Variants in ARHGEF10 observed in about 807,000 individuals in gnomAD.
ARHGEF10 encodes Rho guanine nucleotide exchange factor (GEF) 10.
In ARHGEF10, 140 loss-of-function variants were observed where a neutral mutation model predicts 147.4. The ratio of observed to expected loss-of-function variants is 0.95; its 90% CI spans 0.83 to 1.09. The LOEUF (loss-of-function observed/expected upper bound fraction) is 1.09. Among genes scored for constraint, ARHGEF10 ranks in the 50% least tolerant of loss-of-function variants. The pLI is 0.00. For missense variants in ARHGEF10, 2,222 were observed against 1,752.7 expected, an observed-to-expected ratio of 1.27 and a Z score of -4.78; for synonymous variants, 902 against 695.8, an observed-to-expected ratio of 1.30 and a Z score of -4.67.
At chr8:1,932,069 T>A (rs1206260019) in intron 25 of ARHGEF10, among the ~76,000 whole-genome samples, 1 of 152,078 alleles carries the variant, frequency 6.6e-6, no homozygotes, top group Non-Finnish European at 1.5e-5. Flanking sequence ...GGGCGGTGCA[T>A]AGAGAGAGCT....
chr8:1,935,346 G>C (rs575205151), intron 26 of ARHGEF10, among the ~76,000 whole-genome samples: 2 of 151,906 alleles, frequency 1.3e-5, no homozygotes, highest in South Asian at 4.1e-4. Flanking sequence ...CTTACTCTTG[G>C]TGCCGTGCTT....
intron 1 of ARHGEF10, among the ~76,000 whole-genome samples, chr8:1,832,109 G>T (rs1342105798): frequency 2.0e-5 from 3 of 152,170 alleles, no homozygotes; most frequent in Non-Finnish European, 2.9e-5. Flanking sequence ...CCACCCAGGG[G>T]GTCCTGTGGC....
intron 24 of ARHGEF10, among the ~76,000 whole-genome samples, chr8:1,928,945 T>C (rs1585574863): frequency 6.6e-6 from 1 of 152,122 alleles, no homozygotes; most frequent in African/African-American, 2.4e-5. Context: ...AAAAGGACAT[T>C]CCCCCCTTAT....
At chr8:1,949,673 A>G (rs1232296169) in intron 27 of ARHGEF10, among the ~76,000 whole-genome samples, 3 of 152,192 alleles carry the variant, frequency 2.0e-5, no homozygotes, top group African/African-American at 7.2e-5. Context: ...CATTAGAAAA[A>G]AAAAGACAAA....
In ARHGEF10 at chr8:1,882,772, G is replaced by C. The variant is rs775779542; in HGVS notation, c.1075+23G>C. On this transcript the variant is annotated intron_variant, in intron 10 of 28. Coordinates refer to ENST00000349830, the MANE Select transcript of ARHGEF10 (RefSeq NM_014629.4). ...AGGGTCCGTGCCTGCAGGTCTTCTTGCGGGGAGGACACGGGGTTGGGGGGG... is the reference window on the plus strand; with the variant it reads ...AGGGTCCGTGCCTGCAGGTCTTCTTCCGGGGAGGACACGGGGTTGGGGGGG... 9.9e-6 allele frequency: 15 copies of C among 1,519,674 alleles called. No homozygotes were observed. In the Admixed American group the frequency reaches 2.0e-4, roughly 21 times the overall value. The allele number at this position is 1,519,674 out of a possible 1,614,324, so 94.1% of individuals were successfully genotyped here.
At chr8:1,906,473 A>C (rs1269862303) in intron 17 of ARHGEF10, among the ~76,000 whole-genome samples, 5 of 152,160 alleles carry the variant, frequency 3.3e-5, no homozygotes, top group Non-Finnish European at 5.9e-5. Context: ...TCCCAGTGAG[A>C]GCCAGCTGTT....
chr8:1,934,646 C>G (rs1813426423), intron 26 of ARHGEF10, among the ~76,000 whole-genome samples: 1 of 152,170 alleles, frequency 6.6e-6, no homozygotes, highest in Admixed American at 6.5e-5. Flanking sequence ...GTTTGGAAAA[C>G]ACGGAGCTGG....
At chr8:1,825,380 C>T (rs1301999446) in intron 1 of ARHGEF10, among the ~76,000 whole-genome samples, 3 of 78,350 alleles carry the variant, frequency 3.8e-5, no homozygotes, top group Non-Finnish European at 7.5e-5. Context: ...CCCTGCACCT[C>T]AACTGTCCTG....
At chr8:1,935,703 T>TA (rs973555793) in intron 26 of ARHGEF10, among the ~76,000 whole-genome samples, 4 of 152,214 alleles carry the variant, frequency 2.6e-5, no homozygotes, top group African/African-American at 9.6e-5. Flanking sequence ...CACGCACATC[T>TA]AAGGGTATCC....
intron 16 of ARHGEF10, 188 bp downstream of exon 16, chr8:1,903,639 A>G: frequency 1.5e-6 from 1 of 685,982 alleles, no homozygotes; most frequent in Non-Finnish European, 2.5e-6. Context: ...GTAAAACCTT[A>G]ACAGCCTGTC....
At chr8:1,944,134 G>GCCT (rs1182416967) in intron 26 of ARHGEF10, among the ~76,000 whole-genome samples, 2 of 81,444 alleles carry the variant, frequency 2.5e-5, no homozygotes, top group Non-Finnish European at 6.1e-5. Flanking sequence ...CAGGATCCCA[G>GCCT]CCTCCCGCAT....
In ARHGEF10 at chr8:1,956,867, G is replaced by C; in HGVS notation, c.3639G>C (p.Glu1213Asp). Residue 1213 changes from glutamate to aspartate, a missense_variant, in exon 29 of 29, where the codon GAG becomes GAC. By Grantham distance (45) the Glu-to-Asp change is conservative. Transcript: ENST00000349830. ...GGGACAGCCTGGCTCCTGGCCCCGA[G>C]CCTCAGGACGAAGACCAGAAGGACG... ...KSRDSLAPGP[E>D]PQDEDQKDAL... The C allele has an allele frequency of 6.2e-7, 1 of 1,614,110 alleles. No homozygotes were observed. Among genetic ancestry groups the C allele is most frequent in the Non-Finnish European group, 8.5e-7 (1 of 1,180,020 alleles).
At chr8:1,940,108 A>G (rs1813965614) in intron 26 of ARHGEF10, among the ~76,000 whole-genome samples, 1 of 152,182 alleles carries the variant, frequency 6.6e-6, no homozygotes, top group African/African-American at 2.4e-5. Context: ...TCATCTTTCC[A>G]GAAGTTTGGA....
intron 11 of ARHGEF10, among the ~76,000 whole-genome samples, chr8:1,889,220 G>GGTGAGGGGTGTGTGAGATACTTAGTGGT (rs1809154098): frequency 1.1e-5 from 1 of 90,036 alleles, no homozygotes; most frequent in Non-Finnish European, 2.0e-5. Flanking sequence ...CACTGAATGG[G>GGTGAGGGGTGTGTGAGATACTTAGTGGT]GTGAGGGTTG....
chr8:1,866,553 C>T lies in ARHGEF10; in HGVS notation c.573C>T (p.Ser191=), dbSNP rs755917125. ...TSEDQVGRED[S]ALARWAADPA... Reference sequence around the variant, plus strand: ...AAGATCAAGTCGGTCGAGAGGACAGCGCACTTGCCCGCTGGGCCGCAGACC... The same window carrying T: ...AAGATCAAGTCGGTCGAGAGGACAGTGCACTTGCCCGCTGGGCCGCAGACC... The change falls in exon 6 of 29, where the codon AGC becomes AGT. Residue 191 remains serine (S), a synonymous_variant. Coordinates refer to ENST00000349830, the MANE Select transcript of ARHGEF10 (RefSeq NM_014629.4). The T allele has an allele frequency of 2.5e-5, 41 of 1,609,560 alleles. No homozygotes were observed. The highest frequency in any genetic ancestry group is 1.6e-4 in the Middle Eastern group (1 of 6,064).
rs116136184 is a variant in ARHGEF10 at position 1,837,695 on chromosome 8, C to T, written c.-47-5658C>T. 3.1e-3 allele frequency among the ~76,000 whole-genome samples: 471 copies of T among 152,080 alleles called. 1 individual carries two copies. Among genetic ancestry groups the T allele is most frequent in the African/African-American group, 0.011 (456 of 41,482 alleles). ...GAAGGGGGAAGAGTGTGCTTCTGGC[C>T]CTGCCACTTGCTCACCACCTTTGAG... On this transcript the variant is annotated intron_variant, in intron 1 of 28. Transcript: ENST00000349830.
At chr8:1,939,272 A>G (rs1813883580) in intron 26 of ARHGEF10, among the ~76,000 whole-genome samples, 1 of 152,254 alleles carries the variant, frequency 6.6e-6, no homozygotes, top group Non-Finnish European at 1.5e-5. Flanking sequence ...CATGCCCAAC[A>G]TCAGTGCTAA....
At chr8:1,830,626 C>T (rs774380977) in intron 1 of ARHGEF10, among the ~76,000 whole-genome samples, 31 of 152,334 alleles carry the variant, frequency 2.0e-4, no homozygotes, top group Admixed American at 5.9e-4. Context: ...AGTGCTCTCA[C>T]GCCCCAAGGC....
intron 2 of ARHGEF10, among the ~76,000 whole-genome samples, chr8:1,845,927 C>G (rs1272173363): frequency 6.6e-6 from 1 of 151,522 alleles, no homozygotes; most frequent in African/African-American, 2.4e-5. Context: ...GGGGGTGTCT[C>G]CATAGCCCCT....
Sources: allele counts gnomAD v4.1 joint callset (sites outside exome capture counted in the v4.1 genomes callset), GRCh38; gene constraint gnomAD v4.1.1; transcripts MANE v1.5; gene names NCBI Gene and HGNC (gene_info 2026-07-23, HGNC 2026-07-21).